Variants in NBAS observed in about 807,000 individuals in gnomAD.
NBAS encodes the protein NBAS subunit of NRZ tethering complex.
In NBAS, 219 loss-of-function variants were observed where a neutral mutation model predicts 302.5. The observed-to-expected ratio is 0.72, with a 90% CI of 0.65 to 0.81. NBAS has a LOEUF of 0.81. Among genes scored for constraint, NBAS ranks in the 30% least tolerant of loss-of-function variants. The pLI is 0.00. For missense variants in NBAS, 2,932 were observed against 2,841.6 expected (o/e 1.03, Z -0.72); for synonymous variants, 1,118 against 1,021.6 (o/e 1.09, Z -1.80).
chr2:15,161,743 C>T, the NBAS span, among the ~76,000 whole-genome samples: 2 of 152,160 alleles, frequency 1.3e-5, no homozygotes, highest in Non-Finnish European at 2.9e-5. Context: ...AGGAGATCCA[C>T]CTAAGTCTCC....
At chr2:15,089,459 G>A in the NBAS span, among the ~76,000 whole-genome samples, 1 of 152,050 alleles carries the variant, frequency 6.6e-6, no homozygotes, top group Non-Finnish European at 1.5e-5. Flanking sequence ...TGAGACCTAG[G>A]GAAGATTAAA....
chr2:15,487,310 T>C (rs1433343968), intron 12 of NBAS, among the ~76,000 whole-genome samples: 5 of 152,122 alleles, frequency 3.3e-5, no homozygotes, highest in East Asian at 1.9e-4. Flanking sequence ...ATTTTGAACA[T>C]AGATATGAAA....
chr2:14,869,270 G>C, the NBAS span, among the ~76,000 whole-genome samples: 1 of 152,108 alleles, frequency 6.6e-6, no homozygotes, highest in Middle Eastern at 3.2e-3. Context: ...AAGTGTGAGA[G>C]TTTTAATATG....
chr2:14,829,397 C>T, the NBAS span, among the ~76,000 whole-genome samples: 2 of 152,144 alleles, frequency 1.3e-5, no homozygotes, highest in African/African-American at 2.4e-5. Flanking sequence ...GTATCTACTA[C>T]TGAAAGTATA....
intron 12 of NBAS, 90 bp from the exon 13 acceptor site, chr2:15,478,379 G>T: frequency 1.1e-6 from 1 of 923,926 alleles, no homozygotes; most frequent in Non-Finnish European, 1.7e-6. Flanking sequence ...CAAATAAAGA[G>T]ATGACGCTTT....
intron 38 of NBAS, among the ~76,000 whole-genome samples, chr2:15,326,876 G>A (rs956900900): frequency 1.3e-5 from 2 of 152,090 alleles, no homozygotes; most frequent in Non-Finnish European, 2.9e-5. Context: ...CAGCATGTGA[G>A]TACTGATTGA....
chr2:15,026,836 G>C, the NBAS span, among the ~76,000 whole-genome samples: 1 of 152,136 alleles, frequency 6.6e-6, no homozygotes. Flanking sequence ...TATGGCTTAA[G>C]ATGTGTGTCT....
chr2:14,941,699 C>A, the NBAS span, among the ~76,000 whole-genome samples: 10 of 152,288 alleles, frequency 6.6e-5, no homozygotes, highest in South Asian at 2.1e-3. Context: ...ATTGTCATAG[C>A]GACAAATTAT....
At chr2:15,547,814 C>T (rs1351083265) in intron 6 of NBAS, among the ~76,000 whole-genome samples, 5 of 152,108 alleles carry the variant, frequency 3.3e-5, no homozygotes, top group Non-Finnish European at 5.9e-5. Context: ...TTAAGCAAGG[C>T]CTGGTCTACT....
chr2:14,975,131 G>T, the NBAS span, among the ~76,000 whole-genome samples: 4 of 152,088 alleles, frequency 2.6e-5, no homozygotes, highest in Non-Finnish European at 4.4e-5. Context: ...CCTAGAAGCA[G>T]ATTTTTCCCC....
At chr2:15,071,092 C>G in the NBAS span, among the ~76,000 whole-genome samples, 11,442 of 152,188 alleles carry the variant, frequency 0.075, 1,404 homozygotes, top group African/African-American at 0.26. Flanking sequence ...ACACACCCTT[C>G]CTATAATGTG....
chr2:15,388,706 T>C lies in NBAS; in HGVS notation c.3258-5389A>G, dbSNP rs76221744. Among the ~76,000 whole-genome samples the C allele has an allele frequency of 3.5e-3, 531 of 152,242 alleles. 20 individuals are homozygous for C. The East Asian group carries it at 0.085, about 24-fold the overall frequency. ...TACAAATGTATTCATAGCAGTAGTA[T>C]TAATTACAGGAGAAACTAAGAAACA... On this transcript the variant is annotated intron_variant, in intron 28 of 51. Transcript: ENST00000281513.
chr2:15,174,790 CCT>C (rs1219326699), intron 51 of NBAS, among the ~76,000 whole-genome samples: 4 of 152,102 alleles, frequency 2.6e-5, no homozygotes, highest in Non-Finnish European at 5.9e-5. Flanking sequence ...CTGTGTGACC[CCT>C]GAGCCTCATG....
chr2:15,345,509 A>G (rs1464328313), intron 35 of NBAS, among the ~76,000 whole-genome samples: 1 of 152,224 alleles, frequency 6.6e-6, no homozygotes, highest in Non-Finnish European at 1.5e-5. Flanking sequence ...GAGAGGACAC[A>G]AACAAATGGA....
chr2:15,039,774 G>A, the NBAS span, among the ~76,000 whole-genome samples: 4 of 152,278 alleles, frequency 2.6e-5, no homozygotes, highest in African/African-American at 7.2e-5. Context: ...AATTCCTTCC[G>A]GCAGCCTCTG....
At chr2:15,461,814 G>T in intron 19 of NBAS, 23 bp from the exon 20 acceptor site, 1 of 1,348,866 alleles carries the variant, frequency 7.4e-7, no homozygotes, top group Non-Finnish European at 1.1e-6. Flanking sequence ...TTAATGAAAA[G>T]TGATTTAATG....
chr2:15,282,714 C>T (rs1425733033), intron 42 of NBAS, among the ~76,000 whole-genome samples: 5 of 152,142 alleles, frequency 3.3e-5, no homozygotes, highest in Admixed American at 6.6e-5. Context: ...GGATGTTTGG[C>T]CTTGAAATCT....
intron 21 of NBAS, among the ~76,000 whole-genome samples, chr2:15,428,781 C>G (rs546445523): frequency 6.6e-6 from 1 of 152,110 alleles, no homozygotes; most frequent in Non-Finnish European, 1.5e-5. Context: ...CGGTGGCTCA[C>G]GCCTGTAATC....
the NBAS span, among the ~76,000 whole-genome samples, chr2:14,872,282 C>T: frequency 3.3e-5 from 5 of 152,094 alleles, no homozygotes; most frequent in Admixed American, 6.5e-5. Context: ...AGCAGCCTTC[C>T]TTCAACAATT....
Sources: allele counts gnomAD v4.1 joint callset (sites outside exome capture counted in the v4.1 genomes callset), GRCh38; gene constraint gnomAD v4.1.1; transcripts MANE v1.5; gene names NCBI Gene and HGNC (gene_info 2026-07-23, HGNC 2026-07-21).